Variants in ZSWIM5 observed in about 807,000 individuals in gnomAD.
ZSWIM5 encodes zinc finger SWIM-type containing 5, also known as zinc finger SWIM domain-containing protein 5.
A neutral mutation model predicts 119.6 loss-of-function variants in ZSWIM5; 55 were observed. The ratio of observed to expected loss-of-function variants is 0.46; its 90% CI spans 0.37 to 0.58. The LOEUF is 0.58. Among genes scored for constraint, ZSWIM5 ranks in the 20% least tolerant of loss-of-function variants. ZSWIM5 has a pLI of 0.00. For missense variants in ZSWIM5, 1,193 were observed against 1,512.8 expected, an observed-to-expected ratio of 0.79 and a Z score of 3.51; for synonymous variants, 537 against 606.9, an observed-to-expected ratio of 0.88 and a Z score of 1.69.
chr1:45,036,444 T>G (rs1488999523), intron 8 of ZSWIM5, 145 bp from the exon 9 acceptor site: 1 of 1,187,936 alleles, frequency 8.4e-7, no homozygotes, highest in Non-Finnish European at 1.1e-6. Flanking sequence ...AGCCTCCGCC[T>G]CCCCGGTTCA....
At chr1:45,202,367 G>T (rs1448691118) in intron 1 of ZSWIM5, among the ~76,000 whole-genome samples, 2 of 151,976 alleles carry the variant, frequency 1.3e-5, no homozygotes, top group African/African-American at 2.4e-5. Flanking sequence ...ATATACAAGT[G>T]TACACAATTT....
chr1:45,071,919 A>G (rs1039334322), intron 2 of ZSWIM5, among the ~76,000 whole-genome samples: 2 of 152,216 alleles, frequency 1.3e-5, no homozygotes, highest in African/African-American at 2.4e-5. Context: ...TCTCTCTGAT[A>G]TACTGATTTC....
At chr1:45,096,722 T>C (rs1000002089) in intron 1 of ZSWIM5, among the ~76,000 whole-genome samples, 1 of 152,200 alleles carries the variant, frequency 6.6e-6, no homozygotes, top group African/African-American at 2.4e-5. Context: ...GAAGAAGAGA[T>C]GCTTCATGCC....
intron 1 of ZSWIM5, among the ~76,000 whole-genome samples, chr1:45,105,052 G>A (rs1557767026): frequency 1.3e-5 from 2 of 152,058 alleles, no homozygotes; most frequent in Admixed American, 6.5e-5. Flanking sequence ...CTTGGGCTCC[G>A]GTGATTCTCC....
At chr1:45,110,027 G>T (rs1479924309) in intron 1 of ZSWIM5, among the ~76,000 whole-genome samples, 1 of 151,804 alleles carries the variant, frequency 6.6e-6, no homozygotes, top group East Asian at 1.9e-4. Flanking sequence ...ACCACACCTG[G>T]CTAATTTTTA....
chr1:45,114,643 C>CTTTT (rs374475671), intron 1 of ZSWIM5, among the ~76,000 whole-genome samples: 47 of 133,788 alleles, frequency 3.5e-4, no homozygotes, highest in African/African-American at 1.3e-3. Flanking sequence ...TACTCTGTAT[C>CTTTT]TTTTTTTTTT....
At chr1:45,127,229 G>A (rs1318361023) in intron 1 of ZSWIM5, among the ~76,000 whole-genome samples, 3 of 151,838 alleles carry the variant, frequency 2.0e-5, no homozygotes, top group African/African-American at 4.8e-5. Flanking sequence ...CAACTAATGC[G>A]CTCCATCATA....
At chr1:45,094,537 G>T (rs1384173211) in intron 1 of ZSWIM5, among the ~76,000 whole-genome samples, 2 of 152,050 alleles carry the variant, frequency 1.3e-5, no homozygotes, top group Non-Finnish European at 2.9e-5. Context: ...GAGCCCAGGA[G>T]TTCAAGGCCA....
At chr1:45,029,734 T>A (rs1644941068) in intron 11 of ZSWIM5, among the ~76,000 whole-genome samples, 1 of 152,232 alleles carries the variant, frequency 6.6e-6, no homozygotes, top group South Asian at 2.1e-4. Context: ...CTTAGCATGT[T>A]CTCAAGGTTC....
intron 1 of ZSWIM5, among the ~76,000 whole-genome samples, chr1:45,142,575 A>C (rs1198207791): frequency 1.3e-5 from 2 of 151,754 alleles, no homozygotes; most frequent in African/African-American, 2.4e-5. Context: ...CTGGTCTCAA[A>C]CTCCTGGACT....
At chr1:45,123,498 G>T (rs922702313) in intron 1 of ZSWIM5, among the ~76,000 whole-genome samples, 2 of 152,124 alleles carry the variant, frequency 1.3e-5, no homozygotes, top group Non-Finnish European at 2.9e-5. Context: ...AGCAGCAGAT[G>T]GACGAAACAG....
chr1:45,055,691 C>T (rs899397182), intron 4 of ZSWIM5, among the ~76,000 whole-genome samples: 17 of 152,226 alleles, frequency 1.1e-4, no homozygotes, highest in Non-Finnish European at 1.9e-4. Flanking sequence ...AGAACGTAAA[C>T]AGGAAAGTGG....
At chr1:45,026,880 A>T (rs1217436523) in intron 11 of ZSWIM5, among the ~76,000 whole-genome samples, 2 of 151,882 alleles carry the variant, frequency 1.3e-5, no homozygotes, top group Non-Finnish European at 2.9e-5. Context: ...TTATTAATTC[A>T]ATTTCTTTAA....
intron 1 of ZSWIM5, among the ~76,000 whole-genome samples, chr1:45,091,491 T>C (rs1256500798): frequency 9.6e-6 from 1 of 104,338 alleles, no homozygotes; most frequent in African/African-American, 3.8e-5. Context: ...ACCCTGTCTC[T>C]AAAAAAAAAA....
In ZSWIM5 at chr1:45,057,636, G is replaced by A. The variant is rs1362573408; in HGVS notation, c.1252+973C>T. On this transcript the variant is annotated intron_variant, in intron 4 of 13. Coordinates refer to ENST00000359600, the MANE Select transcript of ZSWIM5 (RefSeq NM_020883.2). The surrounding 1 kb of genome is among the most constrained non-coding windows in gnomAD (Gnocchi z 4.7). ...CAGAGGGATATTTGATTTAAAGTCA[G>A]ACAGATTGGGCTTCCAGTGTTAGAG... Among the ~76,000 whole-genome samples, 1 of 152,242 alleles carries A rather than the reference G, an allele frequency of 6.6e-6. No homozygotes were observed. Among genetic ancestry groups the A allele is most frequent in the African/African-American group, 2.4e-5 (1 of 41,464 alleles).
chr1:45,139,416 G>A (rs1226767009), intron 1 of ZSWIM5, among the ~76,000 whole-genome samples: 6 of 88,566 alleles, frequency 6.8e-5, no homozygotes, highest in African/African-American at 2.8e-4. Flanking sequence ...CTCTCTCTCT[G>A]CCCCTCTCCC....
In ZSWIM5 at chr1:45,034,468, A is replaced by C; in HGVS notation, c.2293T>G (p.Leu765Val). ...SYKLALRAMRLPVLENSASAG... is the reference protein window; with the variant it reads ...SYKLALRAMRVPVLENSASAG... ...GAAGCTGAGTTTTCTAAAACAGGTAACCTGGAAGACCCAGGAAGAATCATC... is the reference window on the plus strand; with the variant it reads ...GAAGCTGAGTTTTCTAAAACAGGTACCCTGGAAGACCCAGGAAGAATCATC... The change falls in exon 11 of 14, where the codon TTA becomes GTA. Residue 765 changes from leucine to valine, a missense_variant and splice_region_variant. This residue lies in a region of ZSWIM5 where 961 missense variants were observed against 1,290.0 expected (regional missense o/e 0.74). Coordinates refer to ENST00000359600, the MANE Select transcript of ZSWIM5 (RefSeq NM_020883.2). The C allele has an allele frequency of 6.2e-7, 1 of 1,600,018 alleles. No individual in the cohort carries two copies. Among genetic ancestry groups the C allele is most frequent in the African/African-American group, 1.3e-5 (1 of 74,814 alleles).
chr1:45,022,563 C>T (rs1049822953), intron 11 of ZSWIM5, among the ~76,000 whole-genome samples: 1 of 152,108 alleles, frequency 6.6e-6, no homozygotes, highest in African/African-American at 2.4e-5. Flanking sequence ...AAGAGATTCC[C>T]TTTATTCTTC....
intron 1 of ZSWIM5, among the ~76,000 whole-genome samples, chr1:45,103,122 C>A (rs1336264347): frequency 6.6e-6 from 1 of 152,158 alleles, no homozygotes; most frequent in East Asian, 1.9e-4. Flanking sequence ...CCTGCCTTGG[C>A]CTCCCAAAGT....
Sources: gnomAD v4.1 joint callset for allele counts (sites outside exome capture counted in the v4.1 genomes callset) on GRCh38, gnomAD v4.1.1 for gene constraint, gnomAD v4.1.1 regional missense constraint, Gnocchi (gnomAD v3.1) non-coding constraint, MANE v1.5 for transcripts, NCBI Gene and HGNC (gene_info 2026-07-23, HGNC 2026-07-21) for gene names.